Variants in MAGI1 observed in about 807,000 individuals in gnomAD.
MAGI1 encodes membrane-associated guanylate kinase, WW and PDZ domain-containing protein 1.
Under a neutral mutation model 139.9 loss-of-function variants are expected in MAGI1, and 58 were observed. That is an observed-to-expected ratio of 0.41 (90% confidence interval 0.34 to 0.52). The LOEUF (loss-of-function observed/expected upper bound fraction) is 0.52. MAGI1 is among the 20% of genes least tolerant of loss of function. The pLI is 0.12. For missense variants in MAGI1, 1,874 were observed against 1,901.6 expected, an observed-to-expected ratio of 0.99 and a Z score of 0.27; for synonymous variants, 812 against 737.9, an observed-to-expected ratio of 1.10 and a Z score of -1.63.
At chr3:65,824,452 G>C (rs1345059072) in intron 1 of MAGI1, among the ~76,000 whole-genome samples, 1 of 152,212 alleles carries the variant, frequency 6.6e-6, no homozygotes. Flanking sequence ...AGCAGGTATA[G>C]AGGCCCCAGG....
chr3:65,736,669 C>A (rs2034765507), intron 1 of MAGI1, among the ~76,000 whole-genome samples: 1 of 152,142 alleles, frequency 6.6e-6, no homozygotes. Context: ...TGTCCCAGCT[C>A]AAGAAGAGAG....
chr3:65,428,625 T>G (rs1947243638), intron 12 of MAGI1, among the ~76,000 whole-genome samples: 1 of 152,048 alleles, frequency 6.6e-6, no homozygotes, highest in Admixed American at 6.6e-5. Flanking sequence ...CTAAAAGGAG[T>G]CAGGTGTTGT....
intron 1 of MAGI1, among the ~76,000 whole-genome samples, chr3:66,027,825 T>C (rs912973876): frequency 2.6e-5 from 4 of 152,248 alleles, no homozygotes; most frequent in Admixed American, 2.0e-4. Context: ...GTTGTGTACA[T>C]TGTGGGGTGT....
At chr3:65,627,177 A>G (rs1252787744) in intron 1 of MAGI1, among the ~76,000 whole-genome samples, 1 of 152,186 alleles carries the variant, frequency 6.6e-6, no homozygotes, top group Non-Finnish European at 1.5e-5. Context: ...TGCCTACAGT[A>G]TTCAGGAAAG....
intron 3 of MAGI1, among the ~76,000 whole-genome samples, chr3:65,479,731 G>A (rs1015056289): frequency 2.6e-5 from 4 of 152,082 alleles, no homozygotes; most frequent in Admixed American, 6.5e-5. Flanking sequence ...AGGGATGGTA[G>A]TAATAAGAGT....
At chr3:65,894,386 T>C (rs961489853) in intron 1 of MAGI1, among the ~76,000 whole-genome samples, 4 of 152,180 alleles carry the variant, frequency 2.6e-5, no homozygotes, top group Admixed American at 6.5e-5. Flanking sequence ...CTAAACTGAG[T>C]TGTTCCTTGG....
At chr3:65,941,979 G>A (rs897735898) in intron 1 of MAGI1, among the ~76,000 whole-genome samples, 1 of 152,120 alleles carries the variant, frequency 6.6e-6, no homozygotes, top group Non-Finnish European at 1.5e-5. Flanking sequence ...AGAGACAGGG[G>A]TTTCGCCGTG....
intron 1 of MAGI1, among the ~76,000 whole-genome samples, chr3:65,846,686 C>T (rs542184941): frequency 8.3e-4 from 126 of 152,194 alleles, no homozygotes; most frequent in Non-Finnish European, 1.0e-3. Context: ...TTATTATTGC[C>T]ACCACAGATG....
intron 1 of MAGI1, among the ~76,000 whole-genome samples, chr3:65,937,497 G>A (rs2063121519): frequency 1.3e-5 from 2 of 152,046 alleles, no homozygotes; most frequent in Non-Finnish European, 2.9e-5. Context: ...CAGGGGCTGA[G>A]AGCACTCCCC....
intron 1 of MAGI1, among the ~76,000 whole-genome samples, chr3:65,919,540 T>A (rs1445794077): frequency 1.3e-5 from 2 of 151,058 alleles, no homozygotes; most frequent in Non-Finnish European, 2.9e-5. Flanking sequence ...CTAGCCCAGG[T>A]GACAGAGCAA....
At chr3:65,512,962 T>C (rs1342662171) in intron 2 of MAGI1, among the ~76,000 whole-genome samples, 12 of 136,436 alleles carry the variant, frequency 8.8e-5, no homozygotes, top group African/African-American at 3.3e-4. Flanking sequence ...TCCACCATGA[T>C]CAAGTGGGCT....
chr3:65,387,117 G>A (rs780506858), intron 14 of MAGI1: 30 of 1,589,596 alleles, frequency 1.9e-5, no homozygotes, highest in Non-Finnish European at 2.6e-5. Context: ...AAAACGGAGA[G>A]ACAAAAGTTT....
chr3:66,020,352 G>A (rs192617276), intron 1 of MAGI1, among the ~76,000 whole-genome samples: 127 of 152,196 alleles, frequency 8.3e-4, no homozygotes, highest in Admixed American at 4.6e-3. Context: ...TAGGAGAATC[G>A]CTTGAACCTG....
At chr3:65,624,144 G>A (rs924348742) in intron 1 of MAGI1, among the ~76,000 whole-genome samples, 9 of 152,208 alleles carry the variant, frequency 5.9e-5, no homozygotes, top group African/African-American at 2.2e-4. Flanking sequence ...CAAGGTTGTA[G>A]AGAAACAGGA....
intron 1 of MAGI1, among the ~76,000 whole-genome samples, chr3:65,778,504 G>C (rs181959221): frequency 1.3e-5 from 2 of 151,410 alleles, no homozygotes; most frequent in Admixed American, 1.3e-4. Context: ...AACATTTGTT[G>C]AATATCCAGC....
chr3:65,908,419 G>A (rs1424384070), intron 1 of MAGI1, among the ~76,000 whole-genome samples: 5 of 151,724 alleles, frequency 3.3e-5, no homozygotes, highest in Non-Finnish European at 7.4e-5. Context: ...TTCTCTGCTG[G>A]AATTACAGGC....
At chr3:65,793,395 C>T (rs1052027043) in intron 1 of MAGI1, among the ~76,000 whole-genome samples, 4 of 152,148 alleles carry the variant, frequency 2.6e-5, no homozygotes, top group Non-Finnish European at 4.4e-5. Context: ...GCAATTAAAC[C>T]AATTACTTTC....
At chr3:65,368,037 ACTT>A (rs1941604176) in intron 18 of MAGI1, among the ~76,000 whole-genome samples, 3 of 152,276 alleles carry the variant, frequency 2.0e-5, no homozygotes, top group African/African-American at 4.8e-5. Flanking sequence ...ATGAACTTTT[ACTT>A]CTTCATTTGG....
At chr3:65,945,056 A>G (rs2063489730) in intron 1 of MAGI1, among the ~76,000 whole-genome samples, 2 of 152,216 alleles carry the variant, frequency 1.3e-5, no homozygotes, top group African/African-American at 2.4e-5. Context: ...AATTGGAAAC[A>G]AGTGGTGTGT....
Sources: gnomAD v4.1 joint callset for allele counts (sites outside exome capture counted in the v4.1 genomes callset) on GRCh38, gnomAD v4.1.1 for gene constraint, MANE v1.5 for transcripts, NCBI Gene and HGNC (gene_info 2026-07-23, HGNC 2026-07-21) for gene names.